The following TM7SF3 variants were observed in gnomAD, a reference collection of about 807,000 sequenced individuals.
The protein encoded by TM7SF3 is seven span transmembrane protein.
A neutral mutation model predicts 65.5 loss-of-function variants in TM7SF3; 60 were observed. The observed-to-expected ratio is 0.92, with a 90% CI of 0.74 to 1.14. The LOEUF (loss-of-function observed/expected upper bound fraction) is 1.14. Among genes scored for constraint, TM7SF3 ranks in the 50% most tolerant of loss-of-function variants. The probability of loss-of-function intolerance (pLI) is 0.00; values close to 1 mark genes in which losing one functional copy is unlikely to be tolerated. For missense variants in TM7SF3, 623 were observed against 684.8 expected, an observed-to-expected ratio of 0.91 and a Z score of 1.01; for synonymous variants, 264 against 259.6, an observed-to-expected ratio of 1.02 and a Z score of -0.16.
chr12:26,984,146 ACAGC>A (rs928560329), intron 6 of TM7SF3, among the ~76,000 whole-genome samples: 1 of 152,088 alleles, frequency 6.6e-6, no homozygotes, highest in Admixed American at 6.6e-5. Flanking sequence ...AGATTAAACA[ACAGC>A]CGGGTGCAGT....
chr12:27,002,028 CT>C (rs1321779464), intron 2 of TM7SF3, among the ~76,000 whole-genome samples: 3 of 152,156 alleles, frequency 2.0e-5, no homozygotes, highest in Admixed American at 6.5e-5. Flanking sequence ...AACTACCCCC[CT>C]ACACACATAC....
At chr12:26,979,602 T>C (rs1480088651) in intron 9 of TM7SF3, 182 bp downstream of exon 9, 2 of 624,552 alleles carry the variant, frequency 3.2e-6, no homozygotes, top group African/African-American at 1.8e-5. Flanking sequence ...TACTGTGCCT[T>C]TGAGGAAGGA....
At position 26,990,457 on chromosome 12, in the gene TM7SF3, AG is replaced by A. The variant is rs1435397978; in HGVS notation, c.860del (p.Ala287ValfsTer3). 1.9e-6 allele frequency: 3 copies of A among 1,612,844 alleles called. No individual in the cohort carries two copies. The highest frequency in any genetic ancestry group is 2.5e-6 in the Non-Finnish European group (3 of 1,179,286). The stretch of plus-strand genomic sequence containing the variant: ...TTAAAGCCACATACTCACCTAGGGA[AG>A]CACAACTACCCTCTCCTGCCTCAAA... ...CSFEAGEGSC[A>X]SLGRVSSKVF... is the part of the protein sequence containing the mutation. On this transcript the variant is annotated frameshift_variant, in exon 6 of 12. Coordinates refer to ENST00000343028, the MANE Select transcript of TM7SF3 (RefSeq NM_016551.3). LOFTEE classifies it high-confidence loss of function.
chr12:27,007,267 T>C (rs549426115), intron 1 of TM7SF3, among the ~76,000 whole-genome samples: 4 of 152,278 alleles, frequency 2.6e-5, no homozygotes, highest in Admixed American at 6.5e-5. Context: ...TTTCCTCAAA[T>C]GCCTACAGTG....
intron 3 of TM7SF3, among the ~76,000 whole-genome samples, chr12:26,998,208 T>G (rs887737742): frequency 4.6e-5 from 7 of 152,162 alleles, no homozygotes; most frequent in African/African-American, 1.7e-4. Flanking sequence ...TGCTTATTCC[T>G]CAGGAGTTAT....
At chr12:26,986,957 C>A (rs941746543) in intron 6 of TM7SF3, among the ~76,000 whole-genome samples, 1 of 152,154 alleles carries the variant, frequency 6.6e-6, no homozygotes, top group Admixed American at 6.5e-5. Context: ...TTTCCTTTTA[C>A]CAATCTGGCT....
intron 2 of TM7SF3, among the ~76,000 whole-genome samples, chr12:27,000,893 C>T (rs1940804871): frequency 6.6e-6 from 1 of 152,034 alleles, no homozygotes; most frequent in Non-Finnish European, 1.5e-5. Flanking sequence ...TCCTCTCTAC[C>T]ATCCCCCACT....
intron 6 of TM7SF3, among the ~76,000 whole-genome samples, chr12:26,984,973 C>G (rs571620204): frequency 6.6e-6 from 1 of 152,254 alleles, no homozygotes; most frequent in South Asian, 2.1e-4. Context: ...ACTCCAAGCT[C>G]AGGAAAAGCA....
intron 9 of TM7SF3, chr12:26,978,291 G>C (rs1939659279): frequency 5.8e-6 from 1 of 171,102 alleles, no homozygotes. Flanking sequence ...TGAAAATTAA[G>C]AGACCTCTTT....
At chr12:27,004,483 A>T (rs1940955673) in intron 1 of TM7SF3, among the ~76,000 whole-genome samples, 1 of 152,264 alleles carries the variant, frequency 6.6e-6, no homozygotes. Context: ...GAAGGTAATT[A>T]GAGTCAGTGG....
At position 26,995,280 on chromosome 12, in the gene TM7SF3, T is replaced by C. The variant is rs778651694; in HGVS notation, c.647A>G (p.Gln216Arg). The C allele has an allele frequency of 1.2e-5, 19 of 1,614,200 alleles. 1 individual carries two copies. In the South Asian group the frequency reaches 1.6e-4, roughly 14 times the overall value. Residue 216 changes from glutamine to arginine, a missense_variant, in exon 5 of 12, where the codon CAG becomes CGG. By Grantham distance (43) the Gln-to-Arg change is conservative. Transcript: ENST00000343028. ...CACCTGGGGCACACTGACCATCCTC[T>C]GCAGATGCTTCAGCAACATCTCCTC... ...LTEEMLLKHL[Q>R]RMVSVPQVKA...
At chr12:26,991,242 T>C (rs12580354) in intron 5 of TM7SF3, among the ~76,000 whole-genome samples, 11,580 of 150,512 alleles carry the variant, frequency 0.077, 657 homozygotes, top group East Asian at 0.27. Flanking sequence ...AAGCTCCGCT[T>C]CCCGGGTTCA....
intron 1 of TM7SF3, among the ~76,000 whole-genome samples, chr12:27,007,440 A>G (rs1168819690): frequency 6.6e-6 from 1 of 152,036 alleles, no homozygotes; most frequent in Non-Finnish European, 1.5e-5. Flanking sequence ...TATTTCTTAA[A>G]TTTCTATAGT....
chr12:26,999,589 A>T lies in TM7SF3; in HGVS notation c.334T>A (p.Leu112Met), dbSNP rs758657445. The change falls in exon 3 of 12, where the codon TTG becomes ATG. Residue 112 changes from leucine to methionine, a missense_variant. Physicochemically the swap from Leu to Met is conservative, Grantham distance 15 (BLOSUM62 2). Transcript: ENST00000343028. Reference sequence around the variant, plus strand: ...ACAGGCTGTATGCCTGAAGTCCCCAAGTACCAAGTGCATGTACTCTGCTCT... The same window carrying T: ...ACAGGCTGTATGCCTGAAGTCCCCATGTACCAAGTGCATGTACTCTGCTCT... ...RPEQSTCTWY[L>M]GTSGIQPVQN... 20 of 1,614,050 alleles carry T rather than the reference A, an allele frequency of 1.2e-5. No individual in the cohort carries two copies. The East Asian group carries it at 3.8e-4, about 31-fold the overall frequency.
intron 2 of TM7SF3, among the ~76,000 whole-genome samples, chr12:27,000,749 G>A (rs1482832753): frequency 1.1e-4 from 16 of 152,102 alleles, no homozygotes; most frequent in East Asian, 7.7e-4. Flanking sequence ...GTGAGCCACC[G>A]TGCCCGGCCC....
At chr12:27,009,586 T>A (rs919056747) in intron 1 of TM7SF3, among the ~76,000 whole-genome samples, 11 of 152,188 alleles carry the variant, frequency 7.2e-5, no homozygotes, top group African/African-American at 2.4e-4. Flanking sequence ...TTTGTAGAGA[T>A]GAGGTCTTGC....
chr12:26,993,986 C>T (rs1384693069), intron 5 of TM7SF3, among the ~76,000 whole-genome samples: 1 of 152,184 alleles, frequency 6.6e-6, no homozygotes, highest in Non-Finnish European at 1.5e-5. Context: ...GCAGTGCAAG[C>T]CCCTTCAAAC....
At position 26,973,956 on chromosome 12, in the gene TM7SF3, C is replaced by CCT; in HGVS notation, c.*7_*8dup. 6.2e-7 allele frequency: 1 copy of CCT among 1,613,240 alleles called. No individual in the cohort carries two copies. The highest frequency in any genetic ancestry group is 8.5e-7 in the Non-Finnish European group (1 of 1,179,842). On this transcript the variant is annotated 3_prime_UTR_variant, in exon 12 of 12. Coordinates refer to ENST00000343028, the MANE Select transcript of TM7SF3 (RefSeq NM_016551.3). Reference sequence around the variant, plus strand: ...AAAGCTGAGGCACACTGACCAAGCCCCTGGGCATCTACAGAAGCAAAGGCG... The same window carrying CCT: ...AAAGCTGAGGCACACTGACCAAGCCCCTCTGGGCATCTACAGAAGCAAAGGCG...
chr12:26,983,084 C>T (rs1250298120), intron 6 of TM7SF3, among the ~76,000 whole-genome samples: 3 of 152,082 alleles, frequency 2.0e-5, no homozygotes, highest in South Asian at 2.1e-4. Flanking sequence ...AGAATCCAGA[C>T]AATATATGCT....
Sources: allele counts gnomAD v4.1 joint callset (sites outside exome capture counted in the v4.1 genomes callset), GRCh38; gene constraint gnomAD v4.1.1; transcripts MANE v1.5; gene names NCBI Gene and HGNC (gene_info 2026-07-23, HGNC 2026-07-21).